SLC44A5: variants seen among roughly 807,000 people sequenced by gnomAD.
SLC44A5 encodes solute carrier family 44 member 5.
In SLC44A5, 57 loss-of-function variants were observed where a neutral mutation model predicts 101.8. That is an observed-to-expected ratio of 0.56 (90% CI 0.45 to 0.70). The LOEUF is 0.70. SLC44A5 is among the 30% of genes least tolerant of loss of function. The pLI is 0.00. For synonymous variants in SLC44A5, 281 were observed against 290.9 expected (o/e 0.97, Z 0.35); for missense variants, 737 against 853.1 (o/e 0.86, Z 1.70).
chr1:75,239,483 T>G (rs1032458347), intron 9 of SLC44A5, among the ~76,000 whole-genome samples: 4 of 152,040 alleles, frequency 2.6e-5, no homozygotes, highest in African/African-American at 9.7e-5. Flanking sequence ...GCAGTTGAGC[T>G]GGGGAAAGAA....
At chr1:75,383,780 GA>G (rs1336708655) in intron 3 of SLC44A5, among the ~76,000 whole-genome samples, 1 of 151,884 alleles carries the variant, frequency 6.6e-6, no homozygotes, top group East Asian at 1.9e-4. Context: ...TGAAATGAAG[GA>G]AAAAATGTTA....
At chr1:75,700,402 GA>G in the SLC44A5 span, among the ~76,000 whole-genome samples, 7 of 150,202 alleles carry the variant, frequency 4.7e-5, no homozygotes, top group African/African-American at 1.7e-4. Flanking sequence ...GCTCCTGAAT[GA>G]CTACTGGGTA....
At chr1:75,647,174 A>G in the SLC44A5 span, among the ~76,000 whole-genome samples, 1 of 152,166 alleles carries the variant, frequency 6.6e-6, no homozygotes, top group Non-Finnish European at 1.5e-5. Flanking sequence ...CATCTCAGCC[A>G]TGGCTAAAAG....
At chr1:75,314,552 C>T (rs1280222924) in intron 4 of SLC44A5, among the ~76,000 whole-genome samples, 9 of 152,056 alleles carry the variant, frequency 5.9e-5, no homozygotes, top group South Asian at 4.1e-4. Context: ...GTGGCAATAA[C>T]AATAGGTGAG....
chr1:75,240,192 T>G (rs1193989303), intron 9 of SLC44A5, among the ~76,000 whole-genome samples: 1 of 152,098 alleles, frequency 6.6e-6, no homozygotes, highest in African/African-American at 2.4e-5. Flanking sequence ...TTCCAGTCTT[T>G]CTTCTACAGT....
intron 11 of SLC44A5, among the ~76,000 whole-genome samples, chr1:75,235,874 G>C (rs1031472294): frequency 6.6e-6 from 1 of 151,972 alleles, no homozygotes; most frequent in African/African-American, 2.4e-5. Context: ...TTTATCAGAG[G>C]GAAAGGGCCA....
the SLC44A5 span, among the ~76,000 whole-genome samples, chr1:75,721,223 G>A: frequency 1.3e-5 from 2 of 152,100 alleles, no homozygotes; most frequent in African/African-American, 2.4e-5. Context: ...CCTAGCCTAC[G>A]AGAAAGTCCA....
intron 4 of SLC44A5, 23 bp downstream of exon 4, chr1:75,339,559 T>G (rs765490786): frequency 1.3e-6 from 2 of 1,591,902 alleles, no homozygotes; most frequent in Non-Finnish European, 1.7e-6. Context: ...AAAAAGCATA[T>G]TCCCCAAAAA....
the SLC44A5 span, among the ~76,000 whole-genome samples, chr1:75,619,480 G>T: frequency 6.6e-6 from 1 of 152,060 alleles, no homozygotes; most frequent in African/African-American, 2.4e-5. Flanking sequence ...GGGGCTGTAA[G>T]AATTCTGATT....
chr1:75,327,320 A>G (rs1656677294), intron 4 of SLC44A5, among the ~76,000 whole-genome samples: 9 of 152,222 alleles, frequency 5.9e-5, no homozygotes. Flanking sequence ...CTGGTAAATC[A>G]TGAAACACAA....
the SLC44A5 span, among the ~76,000 whole-genome samples, chr1:75,681,124 C>T: frequency 0.22 from 33,225 of 151,510 alleles, 5,007 homozygotes; most frequent in East Asian, 0.67. Context: ...TAATCAATAG[C>T]TTACCAACCA....
chr1:75,594,524 G>C (rs966088323), intron 1 of SLC44A5, among the ~76,000 whole-genome samples: 8 of 151,856 alleles, frequency 5.3e-5, no homozygotes, highest in Admixed American at 5.2e-4. Context: ...TTATTCATAG[G>C]TCAGCATTTT....
At position 75,343,220 on chromosome 1, in the gene SLC44A5, G is replaced by A. The variant is rs77006031; in HGVS notation, c.53-3590C>T. On this transcript the variant is annotated intron_variant, in intron 3 of 23. Transcript: ENST00000370859. ...AGTCATTTGACTTTCTGATCACCAAGTTTATTGTCTTGCAACAGTAAATTT... is the reference window on the plus strand; with the variant it reads ...AGTCATTTGACTTTCTGATCACCAAATTTATTGTCTTGCAACAGTAAATTT... Among the ~76,000 whole-genome samples, 119 of 152,216 alleles carry A rather than the reference G, an allele frequency of 7.8e-4. 1 individual carries two copies. In the East Asian group the frequency reaches 0.016, roughly 21 times the overall value.
chr1:75,604,550 C>G (rs908259024), intron 1 of SLC44A5, among the ~76,000 whole-genome samples: 7 of 151,920 alleles, frequency 4.6e-5, no homozygotes, highest in Non-Finnish European at 1.0e-4. Context: ...TTTTCTGATT[C>G]TGTGAAAAAT....
At chr1:75,505,394 T>C (rs1253889414) in intron 2 of SLC44A5, among the ~76,000 whole-genome samples, 1 of 152,152 alleles carries the variant, frequency 6.6e-6, no homozygotes, top group East Asian at 1.9e-4. Context: ...CTGGAATAAA[T>C]TGTAGTTCCG....
At chr1:75,233,004 A>T (rs1012206964) in intron 12 of SLC44A5, among the ~76,000 whole-genome samples, 3 of 152,188 alleles carry the variant, frequency 2.0e-5, no homozygotes, top group Admixed American at 1.3e-4. Context: ...CGTAGGGGAA[A>T]TCATTCTTTT....
At chr1:75,684,569 C>G in the SLC44A5 span, among the ~76,000 whole-genome samples, 1 of 152,134 alleles carries the variant, frequency 6.6e-6, no homozygotes, top group African/African-American at 2.4e-5. Flanking sequence ...AATAAAGGAG[C>G]TACAGGCCCC....
chr1:75,432,276 G>A (rs1381584983), intron 2 of SLC44A5, among the ~76,000 whole-genome samples: 10 of 152,102 alleles, frequency 6.6e-5, no homozygotes, highest in Admixed American at 6.6e-4. Flanking sequence ...TTCTTCACCA[G>A]AAACCAAGCT....
the SLC44A5 span, chr1:75,677,921 G>A: frequency 1.3e-4 from 28 of 219,754 alleles, no homozygotes; most frequent in African/African-American, 4.3e-4. Flanking sequence ...TGCACGAGCC[G>A]AAGCAGGGCG....
Sources: allele counts gnomAD v4.1 joint callset (sites outside exome capture counted in the v4.1 genomes callset), GRCh38; gene constraint gnomAD v4.1.1; transcripts MANE v1.5; gene names NCBI Gene and HGNC (gene_info 2026-07-23, HGNC 2026-07-21).